The following DNAJC17 variants were observed in gnomAD, a reference collection of about 807,000 sequenced individuals.
DNAJC17 encodes the protein DnaJ heat shock protein family (Hsp40) member C17.
A neutral mutation model predicts 48.1 loss-of-function variants in DNAJC17; 35 were observed. The ratio of observed to expected loss-of-function variants is 0.73; its 90% CI spans 0.56 to 0.96. The LOEUF is 0.96. DNAJC17 is among the 50% of genes least tolerant of loss of function. The pLI is 0.00. For synonymous variants in DNAJC17, 117 were observed against 142.7 expected (o/e 0.82, Z 1.28); for missense variants, 355 against 377.1 (o/e 0.94, Z 0.48).
chr15:40,804,948 G>A (rs915305006), intron 1 of DNAJC17, among the ~76,000 whole-genome samples: 4 of 152,068 alleles, frequency 2.6e-5, no homozygotes, highest in South Asian at 2.1e-4. Flanking sequence ...GTTGCAGTGA[G>A]CCAAGGTTGC....
intron 1 of DNAJC17, among the ~76,000 whole-genome samples, chr15:40,790,208 A>C (rs901281126): frequency 1.3e-5 from 2 of 152,194 alleles, no homozygotes; most frequent in African/African-American, 4.8e-5. Flanking sequence ...TGGGGCCCAC[A>C]GACCCGTCTC....
At position 40,767,787 on chromosome 15, in the gene DNAJC17, C is replaced by T. The variant is rs1184783375; in HGVS notation, c.*153G>A. ...CGTTTCCCTGGGGGTCTGCCCACTT[C>T]CTGGGAGGGGCGCCAGGCCTGGGTG... is the stretch of plus-strand genomic sequence containing the variant. On this transcript the variant is annotated 3_prime_UTR_variant, in exon 11 of 11. Transcript: ENST00000220496. The T allele has an allele frequency of 3.4e-6, 4 of 1,174,370 alleles. No individual in the cohort carries two copies. The highest frequency in any genetic ancestry group is 4.6e-6 in the Non-Finnish European group (4 of 862,528). The allele number at this position is 1,174,370 out of a possible 1,614,324, so 72.7% of individuals were successfully genotyped here. A position where few individuals can be genotyped will look rare whatever the true frequency, so the allele number is the denominator to read the frequency against.
chr15:40,776,337 T>A, intron 5 of DNAJC17, 45 bp from the exon 6 acceptor site: 1 of 1,590,930 alleles, frequency 6.3e-7, no homozygotes, highest in Non-Finnish European at 8.6e-7. Context: ...CAGGTCCAAT[T>A]CCAGGCTGGC....
At chr15:40,776,078 C>T in intron 6 of DNAJC17, 118 bp downstream of exon 6, 5 of 896,696 alleles carry the variant, frequency 5.6e-6, no homozygotes, top group Non-Finnish European at 8.8e-6. Flanking sequence ...CATAGGGTGA[C>T]CCCAGGGTTC....
chr15:40,793,105 G>A (rs978271730), intron 1 of DNAJC17, among the ~76,000 whole-genome samples: 3 of 151,960 alleles, frequency 2.0e-5, no homozygotes, highest in Non-Finnish European at 4.4e-5. Flanking sequence ...ATGTTAGCCA[G>A]GATGGTCTCG....
chr15:40,771,176 G>T (rs1889129231), intron 10 of DNAJC17: 5 of 735,814 alleles, frequency 6.8e-6, no homozygotes, highest in Non-Finnish European at 1.1e-5. Flanking sequence ...TAGGAATCCA[G>T]GGCTCTGCCT....
At chr15:40,782,254 T>TTAAAA (rs1337390309) in intron 1 of DNAJC17, among the ~76,000 whole-genome samples, 1 of 151,214 alleles carries the variant, frequency 6.6e-6, no homozygotes, top group South Asian at 2.1e-4. Flanking sequence ...TTAAATTAAA[T>TTAAAA]TAAAATAAAA....
intron 10 of DNAJC17, chr15:40,772,562 A>T (rs1416203341): frequency 1.9e-5 from 3 of 155,308 alleles, no homozygotes; most frequent in African/African-American, 7.2e-5. Context: ...TCCATCCAGG[A>T]TCTGGGACAC....
Position 40,770,349 on chromosome 15 carries a change from A to G in DNAJC17, c.793-2287T>C. 2 of 750,810 alleles carry G rather than the reference A, an allele frequency of 2.7e-6. No homozygotes were observed. Among genetic ancestry groups the G allele is most frequent in the South Asian group, 3.8e-5 (2 of 52,420 alleles). The allele number at this position is 750,810 out of a possible 1,614,324, so 46.5% of individuals were successfully genotyped here. Reference sequence around the variant, plus strand: ...CTGAGCCCTCCTCTCACCATCCAAGATGTGGTCAAAGGTCTGTGCTGAGTG... The same window carrying G: ...CTGAGCCCTCCTCTCACCATCCAAGGTGTGGTCAAAGGTCTGTGCTGAGTG... On this transcript the variant is annotated intron_variant, in intron 10 of 10. Transcript: ENST00000220496. This position sits in a 1 kb window ranked among gnomAD's most constrained non-coding sequence, Gnocchi z 5.0.
rs1008855653 is a variant in DNAJC17 at position 40,795,429 on chromosome 15, G to C, written c.78+11940C>G. 2.0e-5 allele frequency among the ~76,000 whole-genome samples: 3 copies of C among 152,192 alleles called. No homozygotes were observed. In the South Asian group the frequency reaches 6.2e-4, roughly 32 times the overall value. On this transcript the variant is annotated intron_variant, in intron 1 of 10. Transcript: ENST00000220496. The stretch of plus-strand genomic sequence containing the variant: ...AACAAGATGTGGGGGCCCTAAAACC[G>C]CTTCTCTTCACATCTGTTTCCTTAG...
intron 1 of DNAJC17, among the ~76,000 whole-genome samples, chr15:40,802,935 C>A (rs1475813915): frequency 3.9e-5 from 6 of 151,996 alleles, no homozygotes; most frequent in Non-Finnish European, 2.9e-5. Flanking sequence ...GGAACCCGAT[C>A]TCTACAAAAA....
In DNAJC17 at chr15:40,767,241, C is replaced by G. The variant is rs367958027; in HGVS notation, c.*699G>C. On this transcript the variant is annotated 3_prime_UTR_variant, in exon 11 of 11. Coordinates refer to ENST00000220496, the MANE Select transcript of DNAJC17 (RefSeq NM_018163.3). ...CTCTTTGCAGTTATGAATACTACGT[C>G]GATGACCCTCCCCGCATAGTCCTGG... is the stretch of plus-strand genomic sequence containing the variant. 1.6e-5 allele frequency: 25 copies of G among 1,574,494 alleles called. No individual in the cohort carries two copies. The African/African-American group carries it at 3.2e-4, about 20-fold the overall frequency.
chr15:40,803,122 A>G (rs1890115390), intron 1 of DNAJC17, among the ~76,000 whole-genome samples: 2 of 150,896 alleles, frequency 1.3e-5, no homozygotes, highest in Non-Finnish European at 2.9e-5. Context: ...AAAAGAAAAA[A>G]AAAGTCCTCC....
chr15:40,780,083 C>T (rs532628258), intron 1 of DNAJC17, 86 bp from the exon 2 acceptor site: 10 of 1,279,450 alleles, frequency 7.8e-6, no homozygotes, highest in South Asian at 6.2e-5. Context: ...AAGGGGAATC[C>T]CATGCACACC....
Position 40,807,401 on chromosome 15 carries a change from G to A in DNAJC17, c.46C>T (p.Leu16=). 15 of 1,614,236 alleles carry A rather than the reference G, an allele frequency of 9.3e-6. No homozygotes were observed. The highest frequency in any genetic ancestry group is 3.3e-5 in the South Asian group (3 of 91,086). The stretch of plus-strand genomic sequence containing the variant: ...TCCGCTGCCTTCTCCTCAATGCCTA[G>A]CAGCGCGTACAGGTCCATCTGTAAG... ...ELLQMDLYAL[L]GIEEKAADKE... Residue 16 remains leucine, a synonymous_variant, in exon 1 of 11, where the codon CTA becomes TTA. Transcript: ENST00000220496.
chr15:40,774,766 C>T (rs778262906), intron 8 of DNAJC17, among the ~76,000 whole-genome samples: 3 of 152,234 alleles, frequency 2.0e-5, no homozygotes, highest in Admixed American at 6.5e-5. Context: ...TCCCAACCCA[C>T]TCAACCAAGC....
chr15:40,805,817 CGAGACTCCGTCT>C (rs2141968351), intron 1 of DNAJC17, among the ~76,000 whole-genome samples: 1 of 151,752 alleles, frequency 6.6e-6, no homozygotes, highest in African/African-American at 2.4e-5. Context: ...GGCCACAGAG[CGAGACTCCGTCT>C]CAAAAACAAT....
At chr15:40,789,927 AAAAAG>A (rs1566827647) in intron 1 of DNAJC17, among the ~76,000 whole-genome samples, 2 of 149,428 alleles carry the variant, frequency 1.3e-5, no homozygotes, top group Non-Finnish European at 3.0e-5. Context: ...AAAAAAAAAA[AAAAAG>A]AAAAGAAAAG....
At chr15:40,804,662 G>A (rs982332707) in intron 1 of DNAJC17, among the ~76,000 whole-genome samples, 14 of 152,162 alleles carry the variant, frequency 9.2e-5, no homozygotes, top group African/African-American at 3.4e-4. Flanking sequence ...AATAGAGAAT[G>A]ACTTCCAACT....
Sources: gnomAD v4.1 joint callset for allele counts (sites outside exome capture counted in the v4.1 genomes callset) on GRCh38, gnomAD v4.1.1 for gene constraint, Gnocchi (gnomAD v3.1) non-coding constraint, MANE v1.5 for transcripts, NCBI Gene and HGNC (gene_info 2026-07-23, HGNC 2026-07-21) for gene names.